The following ANK3 variants were observed in gnomAD, a reference collection of about 807,000 sequenced individuals.
ANK3 encodes the protein ankyrin-3.
A neutral mutation model predicts 370.9 loss-of-function variants in ANK3; 57 were observed. That is an observed-to-expected ratio of 0.15 (90% CI 0.12 to 0.19). The LOEUF (loss-of-function observed/expected upper bound fraction) is 0.19, where lower values mean the gene tolerates loss of function less well. ANK3 is among the 10% of genes least tolerant of loss of function. The pLI, the probability that ANK3 is intolerant of heterozygous loss-of-function variation, is 1.00. For missense variants in ANK3, 4,439 were observed against 5,302.1 expected (o/e 0.84, Z 5.06); for synonymous variants, 1,929 against 1,946.3 (o/e 0.99, Z 0.23).
At chr10:60,256,158 A>G (rs2097731510) in intron 7 of ANK3, among the ~76,000 whole-genome samples, 1 of 152,274 alleles carries the variant, frequency 6.6e-6, no homozygotes, top group African/African-American at 2.4e-5. Flanking sequence ...ATTCAGCATT[A>G]TAGCCTAGAT....
chr10:60,136,260 A>G (rs920563742), intron 24 of ANK3, among the ~76,000 whole-genome samples: 9 of 152,184 alleles, frequency 5.9e-5, no homozygotes, highest in Non-Finnish European at 8.8e-5. Context: ...GAGCTATCCA[A>G]CAACAGCGGC....
chr10:60,115,862 G>A (rs2093043310), intron 25 of ANK3, among the ~76,000 whole-genome samples: 2 of 152,154 alleles, frequency 1.3e-5, no homozygotes, highest in African/African-American at 2.4e-5. Flanking sequence ...TAAAGTAGAA[G>A]CTGTATTTGA....
intron 42 of ANK3, chr10:60,043,980 C>A: frequency 1.0e-6 from 1 of 985,820 alleles, no homozygotes; most frequent in South Asian, 4.7e-5. Flanking sequence ...CTTCAAGCTG[C>A]CACACTGCAG....
At chr10:60,138,940 T>C (rs1486696019) in intron 24 of ANK3, 24 bp downstream of exon 24, 16 of 1,611,070 alleles carry the variant, frequency 9.9e-6, no homozygotes, top group African/African-American at 1.3e-5. Context: ...AAATTAACTA[T>C]GAAAGACAGC....
At position 60,533,329 on chromosome 10, in the gene ANK3, G is replaced by A. The variant is rs189330572; in HGVS notation, c.96+81857C>T. ...TCATGTTTGGATCAAGGAAGCTGTCGCTCAGAGAAGGGCTCAGCACCCTCC... is the reference window on the plus strand; with the variant it reads ...TCATGTTTGGATCAAGGAAGCTGTCACTCAGAGAAGGGCTCAGCACCCTCC... On this transcript the variant is annotated intron_variant, in intron 2 of 43. Transcript: ENST00000373827. 2.8e-4 allele frequency among the ~76,000 whole-genome samples: 42 copies of A among 152,186 alleles called. No individual in the cohort carries two copies. The Middle Eastern group carries it at 0.02, about 74-fold the overall frequency.
chr10:60,303,661 A>G (rs1422978580), intron 1 of ANK3, among the ~76,000 whole-genome samples: 1 of 152,238 alleles, frequency 6.6e-6, no homozygotes, highest in Non-Finnish European at 1.5e-5. Flanking sequence ...TGGTACAGCC[A>G]TTAAGGAAAA....
At chr10:60,599,257 T>C (rs951668387) in intron 2 of ANK3, among the ~76,000 whole-genome samples, 1 of 152,104 alleles carries the variant, frequency 6.6e-6, no homozygotes, top group Non-Finnish European at 1.5e-5. Flanking sequence ...GACAGACTCA[T>C]CAGATGGTAA....
intron 3 of ANK3, 48 bp from the exon 4 acceptor site, chr10:60,278,920 T>C: frequency 6.3e-7 from 1 of 1,595,286 alleles, no homozygotes; most frequent in Non-Finnish European, 8.6e-7. Flanking sequence ...CTTTTGAATT[T>C]TCCTGTTCTC....
At chr10:60,061,600 TA>T (rs1160909195) in intron 40 of ANK3, among the ~76,000 whole-genome samples, 1 of 152,194 alleles carries the variant, frequency 6.6e-6, no homozygotes, top group East Asian at 1.9e-4. Context: ...GCCTTGCATA[TA>T]AGACAAGGCC....
At chr10:60,421,563 A>T (rs1393700205) in intron 2 of ANK3, among the ~76,000 whole-genome samples, 2 of 151,894 alleles carry the variant, frequency 1.3e-5, no homozygotes, top group Non-Finnish European at 2.9e-5. Context: ...GGAGCGCACA[A>T]TTACTGCCAG....
intron 1 of ANK3, among the ~76,000 whole-genome samples, chr10:60,341,115 C>G (rs1404709091): frequency 1.3e-5 from 2 of 152,128 alleles, no homozygotes; most frequent in Admixed American, 1.3e-4. Context: ...ATTGATGCTG[C>G]TCCTGAGAAT....
At chr10:60,124,355 T>C (rs1043029929) in intron 25 of ANK3, among the ~76,000 whole-genome samples, 1 of 152,062 alleles carries the variant, frequency 6.6e-6, no homozygotes, top group Non-Finnish European at 1.5e-5. Context: ...TTTGTATTTT[T>C]AGTAGAGATG....
chr10:60,720,465 A>G (rs1297347861), intron 1 of ANK3, among the ~76,000 whole-genome samples: 1 of 152,198 alleles, frequency 6.6e-6, no homozygotes, highest in Non-Finnish European at 1.5e-5. Flanking sequence ...GAAATACAAA[A>G]TACTATTAGG....
intron 2 of ANK3, among the ~76,000 whole-genome samples, chr10:60,556,338 C>T (rs1178833136): frequency 5.9e-5 from 9 of 152,148 alleles, no homozygotes; most frequent in African/African-American, 1.9e-4. Flanking sequence ...ATCTTATGCC[C>T]TCTGTTCTGG....
At chr10:60,247,990 C>G (rs2097582503) in intron 7 of ANK3, among the ~76,000 whole-genome samples, 1 of 152,160 alleles carries the variant, frequency 6.6e-6, no homozygotes, top group Non-Finnish European at 1.5e-5. Flanking sequence ...AAGGTTCATT[C>G]ATGCTGTAGC....
intron 1 of ANK3, among the ~76,000 whole-genome samples, chr10:60,689,887 AAC>A (rs1468928240): frequency 3.3e-5 from 5 of 152,202 alleles, no homozygotes; most frequent in Non-Finnish European, 5.9e-5. Flanking sequence ...GTATAGTATA[AAC>A]ACAGTTATAT....
At chr10:60,300,267 A>G in intron 1 of ANK3, 1 of 1,124,060 alleles carries the variant, frequency 8.9e-7, no homozygotes, top group Admixed American at 2.3e-5. Flanking sequence ...TCAGGGCAAA[A>G]CAGAACTTCT....
chr10:60,533,939 C>A (rs2076663754), intron 2 of ANK3, among the ~76,000 whole-genome samples: 1 of 151,966 alleles, frequency 6.6e-6, no homozygotes, highest in African/African-American at 2.4e-5. Flanking sequence ...TGTTTTATTT[C>A]TATTGTTATA....
At chr10:60,487,901 A>G (rs949231255) in intron 2 of ANK3, among the ~76,000 whole-genome samples, 3 of 151,950 alleles carry the variant, frequency 2.0e-5, no homozygotes, top group African/African-American at 7.3e-5. Context: ...TTTAGTCGAG[A>G]CGAGGTTTCT....
Sources: allele counts gnomAD v4.1 joint callset (sites outside exome capture counted in the v4.1 genomes callset), GRCh38; gene constraint gnomAD v4.1.1; transcripts MANE v1.5; gene names NCBI Gene and HGNC (gene_info 2026-07-23, HGNC 2026-07-21).